ZDHHC15: variants seen among roughly 807,000 people sequenced by gnomAD.
ZDHHC15 encodes zDHHC palmitoyltransferase 15, also known as palmitoyltransferase ZDHHC15.
A neutral mutation model predicts 31.7 loss-of-function variants in ZDHHC15; 19 were observed. The ratio of observed to expected loss-of-function variants is 0.60; its 90% confidence interval spans 0.42 to 0.88. The LOEUF is 0.88. Ranked by LOEUF, ZDHHC15 falls within the 40% of genes least tolerant of loss-of-function variation. The pLI, the probability that ZDHHC15 is intolerant of heterozygous loss-of-function variation, is 0.00. For missense variants in ZDHHC15, 209 were observed against 251.2 expected, an observed-to-expected ratio of 0.83 and a Z score of 1.14; for synonymous variants, 103 against 90.0, an observed-to-expected ratio of 1.14 and a Z score of -0.82.
At chrX:75,469,814 G>A (rs1372334009) in intron 3 of ZDHHC15, among the ~76,000 whole-genome samples, 1 of 111,528 alleles carries the variant, frequency 9.0e-6, no homozygotes, top group Non-Finnish European at 1.9e-5. Flanking sequence ...TTCCATAGCA[G>A]TTACACCATT....
At chrX:75,510,364 G>C (rs765442500) in intron 1 of ZDHHC15, among the ~76,000 whole-genome samples, 23 of 109,753 alleles carry the variant, frequency 2.1e-4, no homozygotes, top group African/African-American at 7.6e-4. Context: ...TTAACTGTTT[G>C]TCATATGAAT....
At position 75,421,960 on chromosome X, in the gene ZDHHC15, C is replaced by T; in HGVS notation, c.767G>A (p.Gly256Asp). The change falls in exon 9 of 12, where the codon GGC becomes GAC. Residue 256 changes from glycine (G) to aspartate (D), a missense_variant. By Grantham distance (94) the Gly-to-Asp change is moderately conservative. Transcript: ENST00000373367. The part of the protein sequence containing the change: ...EAFCTPVFTS[G>D]PEKNGFNLGF... Reference sequence around the variant, plus strand: ...AAGGTTGAACCCATTTTTCTCTGGGCCACTTGTAAACACTGGAGTGCAGAA... The same window carrying T: ...AAGGTTGAACCCATTTTTCTCTGGGTCACTTGTAAACACTGGAGTGCAGAA... 6 of 1,209,949 alleles carry T rather than the reference C, an allele frequency of 5.0e-6. No individual in the cohort carries two copies. Among genetic ancestry groups the T allele is most frequent in the Non-Finnish European group, 6.7e-6 (6 of 894,565 alleles).
chrX:75,384,826 T>C (rs918534803), intron 10 of ZDHHC15: 6 of 635,425 alleles, frequency 9.4e-6, no homozygotes, highest in Admixed American at 4.7e-5. Flanking sequence ...ATTTATGGCA[T>C]AATAGGTGTT....
chrX:75,470,389 C>T (rs1379458404), intron 3 of ZDHHC15, among the ~76,000 whole-genome samples: 2 of 111,070 alleles, frequency 1.8e-5, no homozygotes, highest in East Asian at 5.7e-4. Context: ...ACTTAACAAA[C>T]TCCTGGAGTT....
chrX:75,489,142 C>T (rs113339749), intron 2 of ZDHHC15, among the ~76,000 whole-genome samples: 1 of 112,133 alleles, frequency 8.9e-6, no homozygotes, highest in Non-Finnish European at 1.9e-5. Context: ...GCCTGCCTGC[C>T]TCTGTAGACT....
chrX:75,480,576 A>G (rs2084673767), intron 2 of ZDHHC15, among the ~76,000 whole-genome samples: 1 of 111,398 alleles, frequency 9.0e-6, no homozygotes, highest in African/African-American at 3.3e-5. Context: ...AGCAACCAAC[A>G]TCACAAAGCC....
At chrX:75,415,764 T>C (rs2147830463) in intron 10 of ZDHHC15, among the ~76,000 whole-genome samples, 1 of 112,764 alleles carries the variant, frequency 8.9e-6, no homozygotes, top group Non-Finnish European at 1.9e-5. Context: ...GATTGAATAT[T>C]TTTGAAAAGG....
chrX:75,479,948 T>C (rs2084663691), intron 2 of ZDHHC15, among the ~76,000 whole-genome samples: 1 of 111,833 alleles, frequency 8.9e-6, no homozygotes, highest in Non-Finnish European at 1.9e-5. Flanking sequence ...CTACCTTTCT[T>C]TTCATACCCT....
chrX:75,511,695 T>C (rs1202488894), intron 1 of ZDHHC15, among the ~76,000 whole-genome samples: 1 of 104,729 alleles, frequency 9.5e-6, no homozygotes, highest in Non-Finnish European at 1.9e-5. Context: ...CACAGCCGAA[T>C]TCTACCAGAG....
At chrX:75,507,162 C>T (rs778846960) in intron 1 of ZDHHC15, among the ~76,000 whole-genome samples, 282 of 111,550 alleles carry the variant, frequency 2.5e-3, no homozygotes, top group Non-Finnish European at 4.8e-3. Context: ...CAGGTTAACA[C>T]ATTTTAGCTC....
chrX:75,449,141 G>A (rs980247732), intron 4 of ZDHHC15, among the ~76,000 whole-genome samples: 1 of 107,506 alleles, frequency 9.3e-6, no homozygotes, highest in Non-Finnish European at 1.9e-5. Context: ...ATGGCAGACC[G>A]TGGGACTTCT....
In ZDHHC15 at chrX:75,405,285, C is replaced by T. The variant is rs1271557360; in HGVS notation, c.967+11802G>A. On this transcript the variant is annotated intron_variant, in intron 10 of 11. Coordinates refer to ENST00000373367, the MANE Select transcript of ZDHHC15 (RefSeq NM_144969.3). Reference sequence around the variant, plus strand: ...AAAAGATGACTATTAGGTACTAAGCCTAATACCTGGGTGATGTAATAATAC... The same window carrying T: ...AAAAGATGACTATTAGGTACTAAGCTTAATACCTGGGTGATGTAATAATAC... Among the ~76,000 whole-genome samples the T allele has an allele frequency of 8.1e-5, 9 of 110,967 alleles. No homozygotes were observed. In the Admixed American group the frequency reaches 8.6e-4, roughly 11 times the overall value.
chrX:75,515,836 C>T (rs2085347483), intron 1 of ZDHHC15, among the ~76,000 whole-genome samples: 1 of 111,873 alleles, frequency 8.9e-6, no homozygotes, highest in East Asian at 2.8e-4. Context: ...TAGAAAACCC[C>T]ATCATCTCAG....
intron 1 of ZDHHC15, among the ~76,000 whole-genome samples, chrX:75,518,830 C>T (rs1442093698): frequency 2.1e-5 from 2 of 94,237 alleles, no homozygotes; most frequent in African/African-American, 7.8e-5. Flanking sequence ...CACACACACA[C>T]ACACACACAC....
Position 75,383,095 on chromosome X carries a change from G to A in ZDHHC15, c.968-3897C>T, listed in dbSNP as rs1423521131. ...AAACAGGAACAAAGGAGAGATACTG[G>A]GTGGTATAGTTGTTAAAAGAGTTTG... is the stretch of plus-strand genomic sequence containing the variant. On this transcript the variant is annotated intron_variant, in intron 10 of 11. Transcript: ENST00000373367. 4.5e-5 allele frequency among the ~76,000 whole-genome samples: 5 copies of A among 111,696 alleles called. No individual in the cohort carries two copies. In the Admixed American group the frequency reaches 4.8e-4, roughly 11 times the overall value.
At chrX:75,458,859 G>C (rs965102067) in intron 3 of ZDHHC15, among the ~76,000 whole-genome samples, 2 of 109,504 alleles carry the variant, frequency 1.8e-5, no homozygotes, top group African/African-American at 6.6e-5. Context: ...AATGAAAGTA[G>C]TGAGTGAGTT....
intron 2 of ZDHHC15, among the ~76,000 whole-genome samples, chrX:75,488,898 C>A (rs759423098): frequency 5.4e-5 from 6 of 112,086 alleles, no homozygotes; most frequent in African/African-American, 1.6e-4. Context: ...TCACTCCCAC[C>A]CTAATACTGC....
chrX:75,492,611 A>C (rs927419660), intron 2 of ZDHHC15, among the ~76,000 whole-genome samples: 17 of 111,826 alleles, frequency 1.5e-4, no homozygotes, highest in African/African-American at 5.5e-4. Context: ...CAAACTAGAA[A>C]TCAGGATTAA....
At chrX:75,440,672 C>T (rs781546043) in intron 4 of ZDHHC15, among the ~76,000 whole-genome samples, 19 of 111,899 alleles carry the variant, frequency 1.7e-4, no homozygotes, top group African/African-American at 3.6e-4. Context: ...GGTAGTATAG[C>T]GGGGATTCAA....
Sources: gnomAD v4.1 joint callset for allele counts (sites outside exome capture counted in the v4.1 genomes callset) on GRCh38, gnomAD v4.1.1 for gene constraint, MANE v1.5 for transcripts, NCBI Gene and HGNC (gene_info 2026-07-23, HGNC 2026-07-21) for gene names.